The following ADGRA3 variants were observed in gnomAD, a reference collection of about 807,000 sequenced individuals.
The protein encoded by ADGRA3 is adhesion G protein-coupled receptor A3.
In ADGRA3, 56 loss-of-function variants were observed where a neutral mutation model predicts 119.8. That is an observed-to-expected ratio of 0.47 (90% CI 0.38 to 0.58). The LOEUF (loss-of-function observed/expected upper bound fraction) is 0.58. Among genes scored for constraint, ADGRA3 ranks in the 20% least tolerant of loss-of-function variants. ADGRA3 has a pLI of 0.00. For synonymous variants in ADGRA3, 607 were observed against 623.8 expected (o/e 0.97, Z 0.40); for missense variants, 1,516 against 1,649.0 (o/e 0.92, Z 1.40).
At chr4:22,441,381 A>T (rs192539157) in intron 7 of ADGRA3, among the ~76,000 whole-genome samples, 2 of 152,182 alleles carry the variant, frequency 1.3e-5, no homozygotes, top group Non-Finnish European at 2.9e-5. Flanking sequence ...TCACTTTAGG[A>T]GAATATAACA....
At chr4:22,484,466 G>A (rs935305175) in intron 1 of ADGRA3, among the ~76,000 whole-genome samples, 8 of 151,970 alleles carry the variant, frequency 5.3e-5, no homozygotes, top group South Asian at 2.1e-4. Context: ...TTATCCGGGC[G>A]TGTTGGTGCA....
At chr4:22,446,760 C>T (rs1200498800) in intron 5 of ADGRA3, among the ~76,000 whole-genome samples, 1 of 152,166 alleles carries the variant, frequency 6.6e-6, no homozygotes, top group Non-Finnish European at 1.5e-5. Context: ...CCATAAATTA[C>T]TCACAATGAA....
At chr4:22,458,624 C>T (rs1320197247) in intron 3 of ADGRA3, among the ~76,000 whole-genome samples, 2 of 152,116 alleles carry the variant, frequency 1.3e-5, no homozygotes, top group African/African-American at 4.8e-5. Flanking sequence ...CCGATCACCA[C>T]CTTATCATTT....
intron 4 of ADGRA3, among the ~76,000 whole-genome samples, chr4:22,451,788 G>T (rs1717053653): frequency 6.6e-6 from 1 of 151,938 alleles, no homozygotes; most frequent in Non-Finnish European, 1.5e-5. Context: ...ATCCACTCTA[G>T]AATTCCTTCT....
At position 22,388,445 on chromosome 4, in the gene ADGRA3, G is replaced by A. The variant is rs142747862; in HGVS notation, c.3226C>T (p.Pro1076Ser). 147 of 1,614,050 alleles carry A rather than the reference G, an allele frequency of 9.1e-5. No homozygotes were observed. In the African/African-American group the frequency reaches 1.7e-3, roughly 19 times the overall value. The stretch of plus-strand genomic sequence containing the variant: ...CCATTCGTCCCATTAGAGTTGGGGG[G>A]CTGGACGTTGACTTGCACTGAATAC... ...SSYSVQVNVQPPNSNGTNGEA... is the reference protein window; with the variant it reads ...SSYSVQVNVQSPNSNGTNGEA... The change falls in exon 19 of 19, where the codon CCC becomes TCC. Residue 1076 changes from proline to serine, a missense_variant. Physicochemically the swap from Pro to Ser is moderately conservative, Grantham distance 74. Transcript: ENST00000334304.
chr4:22,398,705 A>T (rs1714477414), intron 16 of ADGRA3, among the ~76,000 whole-genome samples: 1 of 152,112 alleles, frequency 6.6e-6, no homozygotes, highest in South Asian at 2.1e-4. Flanking sequence ...CTTAAAACTA[A>T]TTTGTGCTTT....
intron 1 of ADGRA3, among the ~76,000 whole-genome samples, chr4:22,484,927 C>CATTT (rs1718384256): frequency 6.6e-6 from 1 of 152,044 alleles, no homozygotes; most frequent in South Asian, 2.1e-4. Context: ...TTAGTTCCAA[C>CATTT]CTTCACATTT....
chr4:22,474,815 C>A (rs1037096162), intron 1 of ADGRA3, among the ~76,000 whole-genome samples: 1 of 152,192 alleles, frequency 6.6e-6, no homozygotes, highest in Non-Finnish European at 1.5e-5. Flanking sequence ...ACAGAAAATT[C>A]TCCATCACAC....
intron 1 of ADGRA3, among the ~76,000 whole-genome samples, chr4:22,479,237 G>A (rs1379109609): frequency 6.6e-6 from 1 of 152,174 alleles, no homozygotes; most frequent in Non-Finnish European, 1.5e-5. Flanking sequence ...GCCGAGGCGG[G>A]CGGATCATGA....
rs73112196 is a variant in ADGRA3 at position 22,452,572 on chromosome 4, A to G, written c.473+2294T>C. On this transcript the variant is annotated intron_variant, in intron 4 of 18. Coordinates refer to ENST00000334304, the MANE Select transcript of ADGRA3 (RefSeq NM_145290.4). ...TGATGTATACATTCTCATAACAGGT[A>G]TAAGATAACTGGTAAAAATGTAAGA... Among the ~76,000 whole-genome samples the G allele has an allele frequency of 7.5e-3, 1,146 of 152,312 alleles. 10 individuals carry two copies. The highest frequency in any genetic ancestry group is 0.026 in the African/African-American group (1,078 of 41,566).
intron 11 of ADGRA3, among the ~76,000 whole-genome samples, chr4:22,422,853 A>G (rs934281654): frequency 3.3e-5 from 5 of 152,190 alleles, no homozygotes; most frequent in African/African-American, 4.8e-5. Flanking sequence ...GCTAGTCTCA[A>G]CTGAGGTCAT....
chr4:22,492,048 G>T (rs76127666), intron 1 of ADGRA3, among the ~76,000 whole-genome samples: 5,497 of 152,194 alleles, frequency 0.036, 356 homozygotes, highest in African/African-American at 0.13. Flanking sequence ...ACAAGGGAGA[G>T]AAAATAATAT....
intron 1 of ADGRA3, among the ~76,000 whole-genome samples, chr4:22,483,331 A>C (rs970354365): frequency 6.6e-6 from 1 of 152,160 alleles, no homozygotes; most frequent in Non-Finnish European, 1.5e-5. Context: ...ATGAAGTAAA[A>C]AATAAAACTG....
intron 1 of ADGRA3, among the ~76,000 whole-genome samples, chr4:22,500,682 C>T (rs546649600): frequency 6.6e-6 from 1 of 152,260 alleles, no homozygotes; most frequent in South Asian, 2.1e-4. Context: ...TGATGGTTAA[C>T]ATTACTTGTG....
At chr4:22,436,400 T>C (rs751238419) in intron 9 of ADGRA3, 40 bp downstream of exon 9, 1 of 1,545,328 alleles carries the variant, frequency 6.5e-7, no homozygotes, top group South Asian at 1.1e-5. Flanking sequence ...ATACCATGTT[T>C]TCTCCACAAC....
At chr4:22,498,691 G>A (rs1718937761) in intron 1 of ADGRA3, among the ~76,000 whole-genome samples, 2 of 151,874 alleles carry the variant, frequency 1.3e-5, no homozygotes, top group South Asian at 2.1e-4. Flanking sequence ...CAAGGTGGGC[G>A]GATCACAAGG....
At chr4:22,415,846 A>C (rs1250413515) in intron 12 of ADGRA3, among the ~76,000 whole-genome samples, 1 of 152,110 alleles carries the variant, frequency 6.6e-6, no homozygotes, top group Non-Finnish European at 1.5e-5. Flanking sequence ...TAAAAAAAAA[A>C]CAATGTACAA....
intron 3 of ADGRA3, among the ~76,000 whole-genome samples, chr4:22,458,616 G>A (rs958473327): frequency 1.3e-5 from 2 of 152,100 alleles, no homozygotes; most frequent in Non-Finnish European, 2.9e-5. Flanking sequence ...AACTGACACC[G>A]ATCACCACCT....
chr4:22,397,464 T>G (rs1049142334), intron 16 of ADGRA3, among the ~76,000 whole-genome samples: 1 of 152,164 alleles, frequency 6.6e-6, no homozygotes. Flanking sequence ...ATAATTCTTA[T>G]GCTTGTAGAG....
Sources: gnomAD v4.1 joint callset for allele counts (sites outside exome capture counted in the v4.1 genomes callset) on GRCh38, gnomAD v4.1.1 for gene constraint, MANE v1.5 for transcripts, NCBI Gene and HGNC (gene_info 2026-07-23, HGNC 2026-07-21) for gene names.